DENND6A: variants seen among roughly 807,000 people sequenced by gnomAD.
The protein encoded by DENND6A is DENN domain containing 6A.
In DENND6A, 43 loss-of-function variants were observed where a neutral mutation model predicts 95.5. The observed-to-expected ratio is 0.45, with a 90% CI of 0.35 to 0.58. DENND6A has a LOEUF of 0.58. Among genes scored for constraint, DENND6A ranks in the 20% least tolerant of loss-of-function variants. The probability of loss-of-function intolerance (pLI) is 0.00; values close to 1 mark genes in which losing one functional copy is unlikely to be tolerated. For synonymous variants in DENND6A, 257 were observed against 260.4 expected (o/e 0.99, Z 0.13); for missense variants, 574 against 736.0 (o/e 0.78, Z 2.55).
chr3:57,681,621 T>TAAAA (rs35245886), intron 1 of DENND6A, among the ~76,000 whole-genome samples: 1 of 119,640 alleles, frequency 8.4e-6, no homozygotes, highest in Admixed American at 8.7e-5. Flanking sequence ...AAGACCCTGT[T>TAAAA]AAAAAAAAAA....
At chr3:57,640,268 CAA>C (rs780202917) in intron 12 of DENND6A, among the ~76,000 whole-genome samples, 4 of 97,204 alleles carry the variant, frequency 4.1e-5, no homozygotes, top group Non-Finnish European at 6.5e-5. Context: ...GACTCTGTCT[CAA>C]AAAAAAAAAA....
At chr3:57,635,661 T>TG (rs1178738042) in intron 12 of DENND6A, among the ~76,000 whole-genome samples, 3 of 152,306 alleles carry the variant, frequency 2.0e-5, no homozygotes, top group African/African-American at 7.2e-5. Context: ...GTGGTATATC[T>TG]GGGGGTGAGA....
chr3:57,631,030 C>T, intron 15 of DENND6A, 52 bp from the exon 16 acceptor site: 1 of 1,558,614 alleles, frequency 6.4e-7, no homozygotes. Context: ...AATATTTAAA[C>T]AGACCTACTT....
intron 1 of DENND6A, chr3:57,679,608 G>GGGAAA (rs1292209297): frequency 2.1e-6 from 2 of 968,622 alleles, no homozygotes; most frequent in Non-Finnish European, 2.5e-6. Flanking sequence ...AATTAGATGT[G>GGGAAA]TCCTTGTGGG....
chr3:57,653,112 A>G (rs1003841624), intron 9 of DENND6A, among the ~76,000 whole-genome samples: 4 of 152,156 alleles, frequency 2.6e-5, no homozygotes, highest in African/African-American at 9.7e-5. Flanking sequence ...CTTACTACCA[A>G]ATGGTTTGGG....
intron 12 of DENND6A, among the ~76,000 whole-genome samples, chr3:57,634,981 T>C (rs1387176675): frequency 2.6e-5 from 4 of 152,198 alleles, no homozygotes; most frequent in African/African-American, 7.2e-5. Flanking sequence ...AAATAATTCA[T>C]GTAAATTATA....
At chr3:57,646,522 C>G in intron 9 of DENND6A, 84 bp from the exon 10 acceptor site, 1 of 1,464,994 alleles carries the variant, frequency 6.8e-7, no homozygotes, top group Non-Finnish European at 9.1e-7. Flanking sequence ...CTAAAAACTC[C>G]ACATTGATAT....
At chr3:57,663,795 TTTAATA>T (rs2071477593) in intron 4 of DENND6A, 79 bp from the exon 5 acceptor site, 3 of 791,388 alleles carry the variant, frequency 3.8e-6, no homozygotes, top group Non-Finnish European at 5.6e-6. Flanking sequence ...ATCTATATCT[TTTAATA>T]TTAACATCAG....
At chr3:57,632,546 C>T (rs1036327786) in intron 15 of DENND6A, among the ~76,000 whole-genome samples, 1 of 152,152 alleles carries the variant, frequency 6.6e-6, no homozygotes. Flanking sequence ...GAATAAATAA[C>T]TTGACACCCA....
At chr3:57,646,194 G>C (rs1287454037) in intron 10 of DENND6A, 122 bp downstream of exon 10, 2 of 1,365,610 alleles carry the variant, frequency 1.5e-6, no homozygotes, top group Non-Finnish European at 2.0e-6. Flanking sequence ...TTTTTGCATG[G>C]ATCAATGCAA....
intron 1 of DENND6A, among the ~76,000 whole-genome samples, chr3:57,676,031 C>T (rs1209914741): frequency 6.6e-6 from 1 of 151,944 alleles, no homozygotes; most frequent in Non-Finnish European, 1.5e-5. Flanking sequence ...CAAGATCATG[C>T]CACTCCACTC....
chr3:57,663,816 CT>C, intron 4 of DENND6A, 100 bp from the exon 5 acceptor site: 1 of 594,482 alleles, frequency 1.7e-6, no homozygotes, highest in Non-Finnish European at 2.7e-6. Flanking sequence ...CATCAGGCTC[CT>C]TTATAAACCC....
chr3:57,647,384 A>G lies in DENND6A; in HGVS notation c.819-946T>C, dbSNP rs543732627. The stretch of plus-strand genomic sequence containing the variant: ...ACTCAGTCCTAAAGCAGAACATGGT[A>G]GGTATCTCTGCCATGAGGGAAAGAG... On this transcript the variant is annotated intron_variant, in intron 9 of 19. Transcript: ENST00000311128. Among the ~76,000 whole-genome samples the G allele has an allele frequency of 3.3e-5, 5 of 152,274 alleles. No homozygotes were observed. In the South Asian group the frequency reaches 1.0e-3, roughly 32 times the overall value.
chr3:57,633,198 C>A, intron 15 of DENND6A, 67 bp downstream of exon 15: 1 of 1,323,676 alleles, frequency 7.6e-7, no homozygotes, highest in Non-Finnish European at 1.1e-6. Context: ...TTTTGGAGGG[C>A]GGGAAAAACA....
chr3:57,663,661 G>C lies in DENND6A; in HGVS notation c.488C>G (p.Thr163Ser). 1 of 1,587,418 alleles carries C rather than the reference G, an allele frequency of 6.3e-7. No individual in the cohort carries two copies. The change falls in exon 5 of 20, where the codon ACT becomes AGT. Residue 163 changes from threonine to serine, a missense_variant. Transcript: ENST00000311128. Reference sequence around the variant, plus strand: ...CTTCTGAAAGTAGCCTCTTTTTAGAGTTTTATCTCGAACTTGTCGGAAATA... The same window carrying C: ...CTTCTGAAAGTAGCCTCTTTTTAGACTTTTATCTCGAACTTGTCGGAAATA... ...YVYFRQVRDKTLKRGYFQKSL... is the reference protein window; with the variant it reads ...YVYFRQVRDKSLKRGYFQKSL...
In DENND6A at chr3:57,693,068, G is replaced by T; in HGVS notation, c.-50C>A. 1 of 1,330,826 alleles carries T rather than the reference G, an allele frequency of 7.5e-7. No homozygotes were observed. The highest frequency in any genetic ancestry group is 9.6e-7 in the Non-Finnish European group (1 of 1,041,654). 82.4% of individuals were successfully genotyped at this position (1,330,826 alleles called of 1,614,324 possible). A position where few individuals can be genotyped will look rare whatever the true frequency, so the allele number is the denominator to read the frequency against. ...CGCCTCCACAGCGGACCGCGCCGCA[G>T]AGCGCGCTTGCCTCCGCGCAGGCGC... On this transcript the variant is annotated 5_prime_UTR_variant, in exon 1 of 20. In the 5' UTR this introduces an upstream ATG that the reference lacks. Coordinates refer to ENST00000311128, the MANE Select transcript of DENND6A (RefSeq NM_152678.3).
At chr3:57,639,345 C>T (rs150094997) in intron 12 of DENND6A, among the ~76,000 whole-genome samples, 1 of 152,182 alleles carries the variant, frequency 6.6e-6, no homozygotes, top group Non-Finnish European at 1.5e-5. Context: ...CTTTGGCAAA[C>T]AGTTTGGTGA....
At chr3:57,685,740 A>T (rs79346373) in intron 1 of DENND6A, among the ~76,000 whole-genome samples, 9,716 of 148,202 alleles carry the variant, frequency 0.066, 343 homozygotes, top group South Asian at 0.1. Flanking sequence ...TTTTTTTTTA[A>T]AAAAAAATTT....
chr3:57,663,413 G>A (rs2123207), intron 5 of DENND6A, among the ~76,000 whole-genome samples: 53,888 of 137,750 alleles, frequency 0.39, 11,601 homozygotes, highest in South Asian at 0.57. Context: ...GCAGTCAGCC[G>A]AGATCGTGCC....
Sources: allele counts gnomAD v4.1 joint callset (sites outside exome capture counted in the v4.1 genomes callset), GRCh38; gene constraint gnomAD v4.1.1; transcripts MANE v1.5; gene names NCBI Gene and HGNC (gene_info 2026-07-23, HGNC 2026-07-21).